Variants in CAV2 observed in about 807,000 individuals in gnomAD.
CAV2 encodes the protein caveolin-2.
A neutral mutation model predicts 15.5 loss-of-function variants in CAV2; 7 were observed. That is an observed-to-expected ratio of 0.45 (90% CI 0.26 to 0.85). CAV2 has a LOEUF of 0.85. CAV2 is among the 40% of genes least tolerant of loss of function. The probability of loss-of-function intolerance (pLI) is 0.18; values close to 1 mark genes in which losing one functional copy is unlikely to be tolerated. For synonymous variants in CAV2, 76 were observed against 83.1 expected (o/e 0.91, Z 0.46); for missense variants, 229 against 208.8 (o/e 1.10, Z -0.60).
At chr7:116,504,485 G>A (rs1793186134) in intron 2 of CAV2, among the ~76,000 whole-genome samples, 1 of 152,192 alleles carries the variant, frequency 6.6e-6, no homozygotes, top group Non-Finnish European at 1.5e-5. Context: ...AATTTGTGGA[G>A]ACAGTCAATG....
intron 2 of CAV2, among the ~76,000 whole-genome samples, 175 bp from the exon 3 acceptor site, chr7:116,505,796 G>T (rs1793219536): frequency 1.3e-5 from 2 of 152,114 alleles, no homozygotes; most frequent in South Asian, 4.1e-4. Flanking sequence ...CAAAATGAGA[G>T]TCAGGGGGAC....
intron 2 of CAV2, chr7:116,501,126 G>C (rs971893433): frequency 6.6e-6 from 1 of 152,206 alleles, no homozygotes; most frequent in African/African-American, 2.4e-5. Context: ...TAATTAAAGG[G>C]GAAAGAAATA....
Position 116,500,334 on chromosome 7 carries a change from C to T in CAV2, c.225C>T (p.Ala75=). The change falls in exon 2 of 3, where the codon GCC becomes GCT. Residue 75 remains alanine (A), a synonymous_variant. Transcript: ENST00000222693. ...ACAAAGTGTGGATCTGCAGCCATGC[C>T]CTCTTTGAAATCAGCAAATACGTAA... ...SFDKVWICSH[A]LFEISKYVMY... is the part of the protein sequence containing the mutation. The T allele has an allele frequency of 1.2e-6, 2 of 1,614,130 alleles. No homozygotes were observed. Among genetic ancestry groups the T allele is most frequent in the Non-Finnish European group, 1.7e-6 (2 of 1,180,016 alleles).
rs774331058 is a variant in CAV2, at chr7:116,508,062, A to G, written c.*1941A>G. On this transcript the variant is annotated 3_prime_UTR_variant, in exon 3 of 3. Coordinates refer to ENST00000222693, the MANE Select transcript of CAV2 (RefSeq NM_001233.5). ...GCATCCTTAGATGGGACGCATAATC[A>G]TTACCTTAAAGCATCACCACTCATT... is the stretch of plus-strand genomic sequence containing the variant. The G allele has an allele frequency of 7.9e-5, 12 of 152,242 alleles. No individual in the cohort carries two copies. Among genetic ancestry groups the G allele is most frequent in the Non-Finnish European group, 1.0e-4 (7 of 68,042 alleles). The allele number at this position is 152,242 out of a possible 1,614,324, so 9.4% of individuals were successfully genotyped here.
chr7:116,502,164 T>C (rs1442089971), intron 2 of CAV2, among the ~76,000 whole-genome samples: 1 of 149,504 alleles, frequency 6.7e-6, no homozygotes, highest in Non-Finnish European at 1.5e-5. Flanking sequence ...TGTGAAAGAA[T>C]TTGAAAAAAA....
intron 2 of CAV2, among the ~76,000 whole-genome samples, chr7:116,504,044 AAG>A (rs748459013): frequency 8.8e-6 from 1 of 113,334 alleles, no homozygotes; most frequent in East Asian, 4.8e-4. Context: ...AAGAAAAAGA[AAG>A]AAAGAGAAAG....
Position 116,507,250 on chromosome 7 carries a change from A to C in CAV2, c.*1129A>C, listed in dbSNP as rs1321308169. On this transcript the variant is annotated 3_prime_UTR_variant, in exon 3 of 3. Transcript: ENST00000222693. ...GCTACTGAACTACATGCATAAACTAAAAACTAACAGCTACAAACTTTTAAG... is the reference window on the plus strand; with the variant it reads ...GCTACTGAACTACATGCATAAACTACAAACTAACAGCTACAAACTTTTAAG... 6.6e-6 allele frequency: 1 copy of C among 152,442 alleles called. No homozygotes were observed. The highest frequency in any genetic ancestry group is 1.5e-5 in the Non-Finnish European group (1 of 68,042). 9.4% of individuals were successfully genotyped at this position (152,442 alleles called of 1,614,324 possible). A position where few individuals can be genotyped will look rare whatever the true frequency, so the allele number is the denominator to read the frequency against.
intron 1 of CAV2, 91 bp downstream of exon 1, chr7:116,500,022 T>C (rs2535220): frequency 0.85 from 1,285,492 of 1,514,506 alleles, 546,271 homozygotes; most frequent in East Asian, 0.95. Flanking sequence ...CCACCATTGC[T>C]ACCGGGTCGG....
chr7:116,501,837 T>A (rs1563085264), intron 2 of CAV2, among the ~76,000 whole-genome samples: 1 of 152,200 alleles, frequency 6.6e-6, no homozygotes, highest in Non-Finnish European at 1.5e-5. Context: ...ACAATTAAAC[T>A]ATGTTGAAGG....
At chr7:116,500,051 C>G (rs1209059413) in intron 1 of CAV2, 120 bp downstream of exon 1, 1 of 1,481,282 alleles carries the variant, frequency 6.8e-7, no homozygotes, top group East Asian at 2.4e-5. Context: ...GGTCTGAGAC[C>G]CGCACCCTTC....
chr7:116,503,645 A>G (rs1035327859), intron 2 of CAV2, among the ~76,000 whole-genome samples: 2 of 152,202 alleles, frequency 1.3e-5, no homozygotes, highest in Admixed American at 1.3e-4. Context: ...CCTGGCCAAC[A>G]TGGTGAAACT....
In CAV2 at chr7:116,508,075, A is replaced by G. The variant is rs932761700; in HGVS notation, c.*1954A>G. On this transcript the variant is annotated 3_prime_UTR_variant, in exon 3 of 3. Coordinates refer to ENST00000222693, the MANE Select transcript of CAV2 (RefSeq NM_001233.5). ...GGACGCATAATCATTACCTTAAAGC[A>G]TCACCACTCATTTTGACCATATAGA... The G allele has an allele frequency of 5.3e-5, 8 of 152,212 alleles. No homozygotes were observed. The highest frequency in any genetic ancestry group is 1.9e-4 in the African/African-American group (8 of 41,452). 9.4% of individuals were successfully genotyped at this position (152,212 alleles called of 1,614,324 possible).
At chr7:116,503,075 A>G (rs75374912) in intron 2 of CAV2, among the ~76,000 whole-genome samples, 1,752 of 152,040 alleles carry the variant, frequency 0.012, 33 homozygotes, top group African/African-American at 0.04. Context: ...TACAATTACT[A>G]CAACACTAAA....
At chr7:116,500,806 T>C in intron 2 of CAV2, 1 of 214,344 alleles carries the variant, frequency 4.7e-6, no homozygotes, top group South Asian at 1.1e-4. Context: ...AGGACTCTTC[T>C]TTCTTTCATT....
chr7:116,499,825 A>G lies in CAV2; in HGVS notation c.44A>G (p.Asp15Gly). The change falls in exon 1 of 3, where the codon GAC (aspartate) becomes GGC (glycine). Residue 15 changes from aspartate (D) to glycine (G), a missense_variant. Coordinates refer to ENST00000222693, the MANE Select transcript of CAV2 (RefSeq NM_001233.5). ...TEKADVQLFM[D>G]DDSYSHHSGL... ...AAGGCGGACGTACAGCTCTTCATGG[A>G]CGACGACTCCTACAGCCACCACAGC... is the stretch of plus-strand genomic sequence containing the variant. The G allele has an allele frequency of 6.2e-7, 1 of 1,602,332 alleles. No individual in the cohort carries two copies. The highest frequency in any genetic ancestry group is 8.5e-7 in the Non-Finnish European group (1 of 1,175,904).
intron 2 of CAV2, chr7:116,501,391 G>A (rs1170517761): frequency 6.6e-6 from 1 of 152,194 alleles, no homozygotes; most frequent in Non-Finnish European, 1.5e-5. Context: ...ATAACCCAAG[G>A]TACCTCCGTG....
At chr7:116,501,943 AT>A (rs1305295739) in intron 2 of CAV2, among the ~76,000 whole-genome samples, 1 of 152,050 alleles carries the variant, frequency 6.6e-6, no homozygotes, top group Non-Finnish European at 1.5e-5. Context: ...TTGCACTTGA[AT>A]TTTTTTTAAG....
At chr7:116,499,960 C>T (rs1463085767) in intron 1 of CAV2, 29 bp downstream of exon 1, 1 of 1,604,634 alleles carries the variant, frequency 6.2e-7, no homozygotes, top group Non-Finnish European at 8.5e-7. Context: ...GGGCCCAAGT[C>T]CCCGCTGAGG....
rs1261470091 is a variant in CAV2, at chr7:116,499,797, G to C, written c.16G>C (p.Glu6Gln). The C allele has an allele frequency of 5.7e-6, 9 of 1,580,350 alleles. No homozygotes were observed. The East Asian group carries it at 1.6e-4, about 29-fold the overall frequency. ...CAAGGCTGCGATGGGGCTGGAGACG[G>C]AGAAGGCGGACGTACAGCTCTTCAT... MGLET[E>Q]KADVQLFMDD... Residue 6 changes from glutamate (E) to glutamine (Q), a missense_variant, in exon 1 of 3, where the codon GAG (glutamate) becomes CAG (glutamine). By Grantham distance (29) the Glu-to-Gln change is conservative (BLOSUM62 2). Coordinates refer to ENST00000222693, the MANE Select transcript of CAV2 (RefSeq NM_001233.5).
Sources: gnomAD v4.1 joint callset for allele counts (sites outside exome capture counted in the v4.1 genomes callset) on GRCh38, gnomAD v4.1.1 for gene constraint, MANE v1.5 for transcripts, NCBI Gene and HGNC (gene_info 2026-07-23, HGNC 2026-07-21) for gene names.